TRPM3: variants seen among roughly 807,000 people sequenced by gnomAD.
TRPM3 encodes transient receptor potential cation channel subfamily M member 3, also known as long transient receptor potential channel 3.
Under a neutral mutation model 181.2 loss-of-function variants are expected in TRPM3, and 77 were observed. The observed-to-expected ratio is 0.42, with a 90% CI of 0.35 to 0.51. TRPM3 has a LOEUF of 0.51. Ranked by LOEUF, TRPM3 falls within the 20% of genes least tolerant of loss-of-function variation. The pLI is 0.01. For synonymous variants in TRPM3, 745 were observed against 796.4 expected, an observed-to-expected ratio of 0.94 and a Z score of 1.09; for missense variants, 1,759 against 2,196.7, an observed-to-expected ratio of 0.80 and a Z score of 3.98.
In TRPM3 at chr9:70,795,391, C is replaced by T. The variant is rs60706050; in HGVS notation, c.974-11112G>A. 2.0e-5 allele frequency among the ~76,000 whole-genome samples: 3 copies of T among 152,100 alleles called. No individual in the cohort carries two copies. The East Asian group carries it at 5.8e-4, about 29-fold the overall frequency. ...TCTATTAAGCTTATACAAAGTTTCT[C>T]GTTTGAATGTATAAATGATTCATGA... On this transcript the variant is annotated intron_variant, in intron 6 of 25. Coordinates refer to ENST00000677713, the MANE Select transcript of TRPM3 (RefSeq NM_001366145.2).
chr9:70,944,491 C>G (rs904605109), intron 1 of TRPM3, among the ~76,000 whole-genome samples: 2 of 152,108 alleles, frequency 1.3e-5, no homozygotes, highest in Admixed American at 1.3e-4. Flanking sequence ...TCTATGATCT[C>G]TTTTGTCCTT....
At chr9:71,412,034 A>T (rs2093559605) in intron 1 of TRPM3, among the ~76,000 whole-genome samples, 2 of 152,124 alleles carry the variant, frequency 1.3e-5, no homozygotes, top group South Asian at 2.1e-4. Context: ...CTGGGAAAAC[A>T]GGCTAGCCAT....
intron 4 of TRPM3, 35 bp downstream of exon 4, chr9:70,846,342 GC>G: frequency 6.4e-7 from 1 of 1,569,730 alleles, no homozygotes; most frequent in Non-Finnish European, 8.8e-7. Context: ...CATTCCCATG[GC>G]CTATGTTGAC....
intron 1 of TRPM3, among the ~76,000 whole-genome samples, chr9:71,105,867 G>T (rs1317901691): frequency 6.6e-6 from 1 of 152,190 alleles, no homozygotes; most frequent in Non-Finnish European, 1.5e-5. Context: ...GGTAGTGATT[G>T]TTGTGATATT....
chr9:71,441,093 A>C (rs964411108), intron 1 of TRPM3, among the ~76,000 whole-genome samples: 38 of 152,240 alleles, frequency 2.5e-4, no homozygotes, highest in African/African-American at 8.9e-4. Flanking sequence ...TCCTCAAATT[A>C]AAGCTGAAAC....
Position 70,949,540 on chromosome 9 carries a change from T to A in TRPM3, c.178-85029A>T, listed in dbSNP as rs1040082269. ...TCTCCCCCATGCAGGGGAGTTTGAA[T>A]GTAATTTTTTTTTTTTTTAGTGATG... On this transcript the variant is annotated intron_variant, in intron 1 of 25. Transcript: ENST00000677713. Among the ~76,000 whole-genome samples the A allele has an allele frequency of 2.0e-5, 3 of 151,794 alleles. No homozygotes were observed. In the East Asian group the frequency reaches 5.8e-4, roughly 29 times the overall value.
At chr9:70,629,872 C>G (rs192793420) in intron 12 of TRPM3, among the ~76,000 whole-genome samples, 1 of 152,258 alleles carries the variant, frequency 6.6e-6, no homozygotes, top group Non-Finnish European at 1.5e-5. Context: ...ACCTTTCTTA[C>G]TAGGAAGAGT....
At chr9:71,253,782 C>T (rs1331525428) in intron 1 of TRPM3, among the ~76,000 whole-genome samples, 1 of 152,016 alleles carries the variant, frequency 6.6e-6, no homozygotes, top group Non-Finnish European at 1.5e-5. Context: ...TTCACAGTAG[C>T]CAGTATATGG....
chr9:71,444,248 C>G lies in TRPM3; in HGVS notation c.183+2405G>C, dbSNP rs7856109. On this transcript the variant is annotated intron_variant, in intron 1 of 24. Coordinates refer to the TRPM3 transcript ENST00000357533. ...AGAGTCATGGACTATATCATTCCCT[C>G]GGAATAACTTTAACTGGAAGTGATT... 4.4e-3 allele frequency among the ~76,000 whole-genome samples: 666 copies of G among 150,860 alleles called. 4 individuals carry two copies. The highest frequency in any genetic ancestry group is 0.013 in the African/African-American group (555 of 41,162).
intron 1 of TRPM3, among the ~76,000 whole-genome samples, chr9:71,084,644 A>G (rs2133811581): frequency 6.6e-6 from 1 of 152,194 alleles, no homozygotes. Context: ...AAATAGAAAA[A>G]TATTCCATGC....
chr9:71,319,061 A>G (rs539646056), intron 1 of TRPM3, among the ~76,000 whole-genome samples: 5 of 148,902 alleles, frequency 3.4e-5, no homozygotes, highest in African/African-American at 1.0e-4. Context: ...CCATGTATCA[A>G]AAGTTTTTTA....
In TRPM3 at chr9:70,544,062, T is replaced by G. The variant is rs375982850; in HGVS notation, c.3707+5480A>C. Among the ~76,000 whole-genome samples, 19 of 152,316 alleles carry G rather than the reference T, an allele frequency of 1.2e-4. 1 individual carries two copies. Among genetic ancestry groups the G allele is most frequent in the African/African-American group, 4.6e-4 (19 of 41,588 alleles). On this transcript the variant is annotated intron_variant, in intron 25 of 25. Coordinates refer to ENST00000677713, the MANE Select transcript of TRPM3 (RefSeq NM_001366145.2). ...CAGATGCTGCCCACAAGCCACCGTT[T>G]TTTGAAGTATGCTTTCAATGGGTTA...
chr9:71,089,283 C>G (rs550074560), intron 1 of TRPM3, among the ~76,000 whole-genome samples: 56 of 150,228 alleles, frequency 3.7e-4, no homozygotes, highest in African/African-American at 1.4e-3. Flanking sequence ...TAAAATAAAA[C>G]AACTTTTGCA....
intron 1 of TRPM3, among the ~76,000 whole-genome samples, chr9:71,238,241 C>T (rs971688737): frequency 2.0e-5 from 3 of 151,914 alleles, no homozygotes; most frequent in Admixed American, 2.0e-4. Flanking sequence ...ATGAATAAGG[C>T]CTGTCAGAGG....
At chr9:70,874,341 A>G (rs1368087498) in intron 1 of TRPM3, among the ~76,000 whole-genome samples, 1 of 151,990 alleles carries the variant, frequency 6.6e-6, no homozygotes, top group East Asian at 1.9e-4. Flanking sequence ...ATAGAATTTC[A>G]TGTAATCTTA....
chr9:70,664,940 A>T, intron 9 of TRPM3, among the ~76,000 whole-genome samples: 1 of 152,048 alleles, frequency 6.6e-6, no homozygotes, highest in East Asian at 1.9e-4. Context: ...GTGAGCCACC[A>T]CACCGGCCTA....
intron 1 of TRPM3, among the ~76,000 whole-genome samples, chr9:71,359,209 T>G (rs2092035847): frequency 6.6e-6 from 1 of 152,304 alleles, no homozygotes; most frequent in Middle Eastern, 3.4e-3. Context: ...ATGAATCTGT[T>G]GGAATTTGCA....
chr9:71,200,115 T>G (rs1471904570), intron 1 of TRPM3, among the ~76,000 whole-genome samples: 1 of 152,132 alleles, frequency 6.6e-6, no homozygotes, highest in African/African-American at 2.4e-5. Context: ...TATTTCTGCC[T>G]TCATTTCGTT....
intron 1 of TRPM3, among the ~76,000 whole-genome samples, chr9:71,050,393 A>G (rs2059933454): frequency 6.6e-6 from 1 of 152,222 alleles, no homozygotes; most frequent in Non-Finnish European, 1.5e-5. Context: ...GGCAGAGATA[A>G]GATACAGTTT....
Sources: gnomAD v4.1 joint callset for allele counts (sites outside exome capture counted in the v4.1 genomes callset) on GRCh38, gnomAD v4.1.1 for gene constraint, MANE v1.5 for transcripts, NCBI Gene and HGNC (gene_info 2026-07-23, HGNC 2026-07-21) for gene names.